USH2A: variants seen among roughly 807,000 people sequenced by gnomAD.
USH2A encodes the protein usherin, also known as Usher syndrome 2A (autosomal recessive, mild).
Under a neutral mutation model 538.9 loss-of-function variants are expected in USH2A, and 443 were observed. That is an observed-to-expected ratio of 0.82 (90% CI 0.76 to 0.89). The LOEUF is 0.89. Among genes scored for constraint, USH2A ranks in the 40% least tolerant of loss-of-function variants. USH2A has a pLI of 0.00. For synonymous variants in USH2A, 2,413 were observed against 2,273.5 expected (o/e 1.06, Z -1.75); for missense variants, 6,633 against 6,324.8 (o/e 1.05, Z -1.65).
chr1:215,713,745 C>A (rs1659405104), intron 61 of USH2A, among the ~76,000 whole-genome samples: 1 of 152,216 alleles, frequency 6.6e-6, no homozygotes, highest in African/African-American at 2.4e-5. Flanking sequence ...GGCAATGAAT[C>A]ATATCAAGCT....
chr1:216,381,352 A>C (rs2038919363), intron 3 of USH2A, among the ~76,000 whole-genome samples: 1 of 152,230 alleles, frequency 6.6e-6, no homozygotes, highest in South Asian at 2.1e-4. Context: ...ATTTTGAAGG[A>C]TCTTGAACAT....
intron 3 of USH2A, among the ~76,000 whole-genome samples, chr1:216,405,872 C>T (rs560263803): frequency 3.2e-4 from 48 of 152,278 alleles, no homozygotes; most frequent in Middle Eastern, 3.4e-3. Context: ...ATGCCCTTAA[C>T]AACTTGAATG....
At position 216,247,242 on chromosome 1, in the gene USH2A, A is replaced by G. The variant is rs761307427; in HGVS notation, c.2168-16T>C. On this transcript the variant is annotated splice_polypyrimidine_tract_variant and intron_variant, in intron 12 of 71. Transcript: ENST00000307340. ...CACCTAAGCCCTAAAGATAAAATATATTTAAAAGGTGAGGATGGGAAAATG... is the reference window on the plus strand; with the variant it reads ...CACCTAAGCCCTAAAGATAAAATATGTTTAAAAGGTGAGGATGGGAAAATG... 2.0e-5 allele frequency: 32 copies of G among 1,613,022 alleles called. No individual in the cohort carries two copies. The highest frequency in any genetic ancestry group is 2.6e-5 in the Non-Finnish European group (31 of 1,179,424).
At chr1:216,203,480 A>G (rs1377814120) in intron 16 of USH2A, among the ~76,000 whole-genome samples, 2 of 152,052 alleles carry the variant, frequency 1.3e-5, no homozygotes, top group Admixed American at 6.6e-5. Flanking sequence ...TTTTTGGAAC[A>G]TTGTTGACCA....
At chr1:216,285,005 A>G (rs12041888) in intron 11 of USH2A, among the ~76,000 whole-genome samples, 3,748 of 152,324 alleles carry the variant, frequency 0.025, 140 homozygotes, top group African/African-American at 0.08. Flanking sequence ...AGTGTTAAAG[A>G]GGAAGCAGAG....
At chr1:216,364,446 T>G (rs939120415) in intron 4 of USH2A, among the ~76,000 whole-genome samples, 2 of 152,200 alleles carry the variant, frequency 1.3e-5, no homozygotes, top group African/African-American at 2.4e-5. Context: ...AGATCTATTA[T>G]CCATCTGGAA....
At chr1:215,822,963 C>A (rs945821667) in intron 47 of USH2A, among the ~76,000 whole-genome samples, 1 of 151,880 alleles carries the variant, frequency 6.6e-6, no homozygotes. Context: ...GACTTTATGT[C>A]GTCTCAATTT....
intron 64 of USH2A, among the ~76,000 whole-genome samples, chr1:215,653,582 T>C (rs1181175083): frequency 2.0e-5 from 3 of 152,214 alleles, no homozygotes; most frequent in Non-Finnish European, 4.4e-5. Context: ...ACTTGTATGA[T>C]GAGGCAGTGT....
chr1:215,914,161 C>G (rs985203965), intron 38 of USH2A, among the ~76,000 whole-genome samples: 1 of 150,778 alleles, frequency 6.6e-6, no homozygotes, highest in African/African-American at 2.4e-5. Context: ...GCAACCTCCG[C>G]CTCCTAGGTT....
At chr1:216,240,013 C>CAAAAAAAAAAAAAAAA (rs55691066) in intron 13 of USH2A, among the ~76,000 whole-genome samples, 8 of 112,278 alleles carry the variant, frequency 7.1e-5, no homozygotes, top group African/African-American at 9.9e-5. Context: ...ATGAAATAAA[C>CAAAAAAAAAAAAAAAA]AAAAAAAAAA....
intron 38 of USH2A, among the ~76,000 whole-genome samples, chr1:215,903,817 C>A (rs12403949): frequency 0.075 from 11,450 of 152,088 alleles, 463 homozygotes; most frequent in Admixed American, 0.084. Context: ...TGAAATAATT[C>A]TCTCAATTAG....
chr1:216,409,009 T>C (rs2039438957), intron 3 of USH2A, among the ~76,000 whole-genome samples: 1 of 152,156 alleles, frequency 6.6e-6, no homozygotes, highest in African/African-American at 2.4e-5. Context: ...TGGTTGACTG[T>C]GGGTGACAAA....
chr1:216,085,076 A>C, intron 24 of USH2A, 199 bp from the exon 25 acceptor site: 1 of 592,574 alleles, frequency 1.7e-6, no homozygotes, highest in Non-Finnish European at 3.0e-6. Flanking sequence ...GTGCTGGTTC[A>C]AACCCATCAT....
chr1:215,867,176 ATGT>A lies in USH2A; in HGVS notation c.8682-9_8682-7del. On this transcript the variant is annotated splice_region_variant and splice_polypyrimidine_tract_variant and intron_variant, in intron 43 of 71. Transcript: ENST00000307340. ...TATATTCATAGGTTGTAAACCTAAA[ATGT>A]TGTTTTGTTAAAAAAAGTATATGAA... is the stretch of plus-strand genomic sequence containing the variant. 6.2e-7 allele frequency: 1 copy of A among 1,613,706 alleles called. No individual in the cohort carries two copies. Among genetic ancestry groups the A allele is most frequent in the East Asian group, 2.2e-5 (1 of 44,862 alleles).
At chr1:216,334,254 A>C (rs1471343580) in intron 4 of USH2A, among the ~76,000 whole-genome samples, 1 of 152,018 alleles carries the variant, frequency 6.6e-6, no homozygotes, top group African/African-American at 2.4e-5. Context: ...GCATACTCTT[A>C]AAATTAAGTT....
chr1:216,045,708 G>C (rs973647343), intron 32 of USH2A, among the ~76,000 whole-genome samples: 1 of 152,268 alleles, frequency 6.6e-6, no homozygotes, highest in African/African-American at 2.4e-5. Context: ...GTCATGTGCT[G>C]AGCTCTTTGT....
intron 24 of USH2A, 60 bp from the exon 25 acceptor site, chr1:216,084,937 A>C: frequency 6.5e-7 from 1 of 1,549,898 alleles, no homozygotes; most frequent in Non-Finnish European, 8.8e-7. Flanking sequence ...TCAAGCAATT[A>C]ATTTTATGTG....
At chr1:216,324,419 T>C (rs2037688729) in intron 6 of USH2A, 67 bp from the exon 7 acceptor site, 2 of 1,390,848 alleles carry the variant, frequency 1.4e-6, no homozygotes, top group Non-Finnish European at 2.0e-6. Context: ...TATCAAACCA[T>C]GGAATTATTA....
chr1:216,291,633 A>C (rs1346023928), intron 10 of USH2A, among the ~76,000 whole-genome samples: 1 of 152,168 alleles, frequency 6.6e-6, no homozygotes, highest in Non-Finnish European at 1.5e-5. Flanking sequence ...TGCCTTTCAA[A>C]ATAAGGATGG....
Sources: allele counts gnomAD v4.1 joint callset (sites outside exome capture counted in the v4.1 genomes callset), GRCh38; gene constraint gnomAD v4.1.1; transcripts MANE v1.5; gene names NCBI Gene and HGNC (gene_info 2026-07-23, HGNC 2026-07-21).